MAGI1: variants seen among roughly 807,000 people sequenced by gnomAD.
MAGI1 encodes membrane associated guanylate kinase, WW and PDZ domain containing 1, also known as membrane-associated guanylate kinase, WW and PDZ domain-containing protein 1.
MAGI1 carries 58 observed loss-of-function variants against 139.9 expected under a neutral mutation model. That is an observed-to-expected ratio of 0.41 (90% CI 0.34 to 0.52). The LOEUF (loss-of-function observed/expected upper bound fraction) is 0.52, where lower values mean the gene tolerates loss of function less well. Among genes scored for constraint, MAGI1 ranks in the 20% least tolerant of loss-of-function variants. The pLI is 0.12. For missense variants in MAGI1, 1,874 were observed against 1,901.6 expected (o/e 0.99, Z 0.27); for synonymous variants, 812 against 737.9 (o/e 1.10, Z -1.63).
chr3:65,510,064 G>A, intron 2 of MAGI1, among the ~76,000 whole-genome samples: 1 of 152,054 alleles, frequency 6.6e-6, no homozygotes, highest in Middle Eastern at 3.4e-3. Context: ...CACACTGCAG[G>A]GTATTCCAAC....
At chr3:65,495,509 G>A (rs933616884) in intron 2 of MAGI1, among the ~76,000 whole-genome samples, 4 of 152,096 alleles carry the variant, frequency 2.6e-5, no homozygotes, top group Non-Finnish European at 4.4e-5. Context: ...AATATTTACT[G>A]AGGCCCCAAC....
chr3:65,368,400 A>G (rs754007452), intron 18 of MAGI1, among the ~76,000 whole-genome samples: 3 of 152,250 alleles, frequency 2.0e-5, no homozygotes, highest in Non-Finnish European at 2.9e-5. Flanking sequence ...AATAGCAGTC[A>G]TGTATCAAGA....
Position 65,439,916 on chromosome 3 carries a change from T to TGTTGCTGCTGCTGTTGCTGC in MAGI1, c.1232_1233insGCAGCAACAGCAGCAGCAAC (p.Gln418HisfsTer56), listed in dbSNP as rs1553644254. 2.2e-6 allele frequency: 3 copies of TGTTGCTGCTGCTGTTGCTGC among 1,344,980 alleles called. No homozygotes were observed. Among genetic ancestry groups the TGTTGCTGCTGCTGTTGCTGC allele is most frequent in the South Asian group, 2.4e-5 (2 of 82,196 alleles). The allele number at this position is 1,344,980 out of a possible 1,614,324, so 83.3% of individuals were successfully genotyped here. On this transcript the variant is annotated frameshift_variant, in exon 9 of 23. Coordinates refer to ENST00000402939, the MANE Select transcript of MAGI1 (RefSeq NM_001033057.2). LOFTEE classifies it high-confidence loss of function. ...GCTGCTGCTGCTGCTGCTGCTGCTG[T>TGTTGCTGCTGCTGTTGCTGC]TGCTGCTGCTGTTGCTGCTGCTGCT...
intron 2 of MAGI1, among the ~76,000 whole-genome samples, chr3:65,527,397 T>C (rs1367943393): frequency 6.6e-6 from 1 of 152,044 alleles, no homozygotes; most frequent in Non-Finnish European, 1.5e-5. Flanking sequence ...CTGGCCAATA[T>C]GGTGAAACCC....
intron 1 of MAGI1, among the ~76,000 whole-genome samples, chr3:65,692,480 C>A (rs973153251): frequency 6.6e-6 from 1 of 152,132 alleles, no homozygotes; most frequent in Non-Finnish European, 1.5e-5. Context: ...CCTACAGTGG[C>A]CTTGACTTAC....
chr3:65,442,859 A>G lies in MAGI1; in HGVS notation c.1079-10T>C, dbSNP rs754482446. On this transcript the variant is annotated splice_polypyrimidine_tract_variant and intron_variant, in intron 7 of 22. Coordinates refer to ENST00000402939, the MANE Select transcript of MAGI1 (RefSeq NM_001033057.2). ...CAACCAGCAGGCAGTTCTGAAAAAT[A>G]AAAGAACATTTAGGGCAAGAAGAGC... The G allele has an allele frequency of 1.2e-6, 2 of 1,611,320 alleles. No homozygotes were observed. The highest frequency in any genetic ancestry group is 2.2e-5 in the East Asian group (1 of 44,782).
intron 1 of MAGI1, among the ~76,000 whole-genome samples, chr3:65,885,853 A>G (rs1315158229): frequency 6.6e-6 from 1 of 152,222 alleles, no homozygotes; most frequent in African/African-American, 2.4e-5. Context: ...ACACAGTACG[A>G]AATGGTTATA....
At chr3:65,857,958 A>C (rs1322699678) in intron 1 of MAGI1, among the ~76,000 whole-genome samples, 2 of 152,140 alleles carry the variant, frequency 1.3e-5, no homozygotes, top group East Asian at 3.9e-4. Flanking sequence ...AATAGTATTC[A>C]TTCTAGCCTG....
In MAGI1 at chr3:66,038,491, A is replaced by T. The variant is rs2069062197; in HGVS notation, c.-183T>A. On this transcript the variant is annotated 5_prime_UTR_variant, in exon 1 of 23. In the 5' UTR this introduces an upstream ATG that the reference lacks. Transcript: ENST00000402939. ...CGCGCACTCAAGCCATCATAAAACA[A>T]ACTTTCTGGGCTTCCCCGCGAGCCC... 1.5e-5 allele frequency: 13 copies of T among 838,962 alleles called. No individual in the cohort carries two copies. The highest frequency in any genetic ancestry group is 1.9e-5 in the Non-Finnish European group (11 of 592,592). The allele number at this position is 838,962 out of a possible 1,614,324, so 52.0% of individuals were successfully genotyped here.
chr3:65,424,179 T>G (rs1190850681), intron 12 of MAGI1, among the ~76,000 whole-genome samples: 2 of 152,232 alleles, frequency 1.3e-5, no homozygotes, highest in Non-Finnish European at 2.9e-5. Context: ...TAGTAAGTAC[T>G]CAGGAAATGA....
intron 1 of MAGI1, among the ~76,000 whole-genome samples, chr3:65,881,815 T>C (rs907028045): frequency 3.9e-5 from 6 of 152,098 alleles, no homozygotes; most frequent in South Asian, 2.1e-4. Flanking sequence ...CTGGGCTGAA[T>C]AGGAGAGGAA....
Position 65,589,209 on chromosome 3 carries a change from G to A in MAGI1, c.430+32763C>T, listed in dbSNP as rs142143557. On this transcript the variant is annotated intron_variant, in intron 2 of 22. Transcript: ENST00000402939. Reference sequence around the variant, plus strand: ...AGAAGGATTCATTTCCTTACAATGGGGCAGTGAAATAAGGTGCTTCTATAT... The same window carrying A: ...AGAAGGATTCATTTCCTTACAATGGAGCAGTGAAATAAGGTGCTTCTATAT... Among the ~76,000 whole-genome samples, 547 of 152,180 alleles carry A rather than the reference G, an allele frequency of 3.6e-3. 1 individual carries two copies. Among genetic ancestry groups the A allele is most frequent in the Non-Finnish European group, 5.8e-3 (392 of 68,008 alleles).
chr3:65,990,259 A>C (rs565801968), intron 1 of MAGI1, among the ~76,000 whole-genome samples: 1 of 152,180 alleles, frequency 6.6e-6, no homozygotes, highest in Non-Finnish European at 1.5e-5. Context: ...AGTACTATAA[A>C]TACCAGGCAG....
At chr3:65,391,389 G>GA in intron 13 of MAGI1, 31 bp from the exon 14 acceptor site, 1 of 1,581,692 alleles carries the variant, frequency 6.3e-7, no homozygotes, top group Non-Finnish European at 8.7e-7. Context: ...GGGGCAAGAA[G>GA]AAAAGATTAT....
intron 1 of MAGI1, among the ~76,000 whole-genome samples, chr3:65,793,284 A>T (rs1559888078): frequency 6.6e-6 from 1 of 152,162 alleles, no homozygotes; most frequent in East Asian, 1.9e-4. Context: ...ATCTGTGACA[A>T]CTTTTCATAA....
At chr3:65,850,619 T>C (rs1318663322) in intron 1 of MAGI1, among the ~76,000 whole-genome samples, 1 of 152,074 alleles carries the variant, frequency 6.6e-6, no homozygotes, top group Non-Finnish European at 1.5e-5. Flanking sequence ...GCTGTCAAAG[T>C]AATGTTGGGC....
At chr3:65,951,557 C>A (rs930839209) in intron 1 of MAGI1, among the ~76,000 whole-genome samples, 1 of 152,102 alleles carries the variant, frequency 6.6e-6, no homozygotes, top group Non-Finnish European at 1.5e-5. Flanking sequence ...TTATTGACTA[C>A]CTGTTGAAAT....
At chr3:65,400,625 A>G (rs562009512) in intron 13 of MAGI1, among the ~76,000 whole-genome samples, 13 of 152,238 alleles carry the variant, frequency 8.5e-5, no homozygotes, top group Admixed American at 6.5e-4. Flanking sequence ...ATTTGTCATT[A>G]GTGCCCCGGG....
chr3:65,363,523 T>A lies in MAGI1; in HGVS notation c.3437A>T (p.Asp1146Val). The A allele has an allele frequency of 6.2e-7, 1 of 1,600,954 alleles. No individual in the cohort carries two copies. Among genetic ancestry groups the A allele is most frequent in the Non-Finnish European group, 8.6e-7 (1 of 1,168,110 alleles). ...SLRGGREYNM[D>V]LYVLRLAEDG... is the part of the protein sequence containing the mutation. ...CTCTGCTAAGCGCAGAACATAGAGG[T>A]CCATGTTATACTCTCGGCCTCCTCG... The change falls in exon 21 of 23, where the codon GAC becomes GTC. Residue 1146 changes from aspartate to valine, a missense_variant. Physicochemically the swap from Asp to Val is radical, Grantham distance 152 (BLOSUM62 -3). Around this residue, in one of 5 missense-constraint regions of MAGI1, gnomAD observed 653 missense variants for 644.5 expected, o/e 1.01. Transcript: ENST00000402939.
Sources: allele counts gnomAD v4.1 joint callset (sites outside exome capture counted in the v4.1 genomes callset), GRCh38; gene constraint gnomAD v4.1.1; regional missense constraint gnomAD v4.1.1; transcripts MANE v1.5; gene names NCBI Gene and HGNC (gene_info 2026-07-23, HGNC 2026-07-21).